The following ESRRB variants were observed in gnomAD, a reference collection of about 807,000 sequenced individuals.
ESRRB encodes steroid hormone receptor ERR2.
Under a neutral mutation model 46.0 loss-of-function variants are expected in ESRRB, and 16 were observed. The ratio of observed to expected loss-of-function variants is 0.35; its 90% CI spans 0.24 to 0.53. ESRRB has a LOEUF of 0.53. Among genes scored for constraint, ESRRB ranks in the 20% least tolerant of loss-of-function variants. The probability of loss-of-function intolerance (pLI) is 0.93; values close to 1 mark genes in which losing one functional copy is unlikely to be tolerated. For synonymous variants in ESRRB, 246 were observed against 259.6 expected (o/e 0.95, Z 0.50); for missense variants, 488 against 607.4 (o/e 0.80, Z 2.07).
At chr14:76,358,323 A>AAAAGAAAGAAAGAAAGAAAGAAAGAAAG (rs869092343) in intron 1 of ESRRB, among the ~76,000 whole-genome samples, 3 of 53,100 alleles carry the variant, frequency 5.6e-5, no homozygotes, top group Non-Finnish European at 1.1e-4. Context: ...AAAAAAAAAA[A>AAAAGAAAGAAAGAAAGAAAGAAAGAAAG]AAAGAAAGAA....
At chr14:76,444,293 A>G (rs1466957743) in intron 2 of ESRRB, among the ~76,000 whole-genome samples, 2 of 152,128 alleles carry the variant, frequency 1.3e-5, no homozygotes, top group Non-Finnish European at 2.9e-5. Flanking sequence ...TTGGCCTCCC[A>G]AAGTGCTGGG....
chr14:76,371,290 T>A (rs1490069796), upstream of ESRRB: 2 of 152,272 alleles, frequency 1.3e-5, no homozygotes, highest in Non-Finnish European at 2.9e-5. Context: ...CTGCTGACCA[T>A]CACTCAGGGA....
intron 1 of ESRRB, among the ~76,000 whole-genome samples, chr14:76,360,658 C>G (rs896746237): frequency 1.3e-5 from 2 of 152,200 alleles, no homozygotes; most frequent in Non-Finnish European, 2.9e-5. Flanking sequence ...CTCCCTCTCT[C>G]TTTAAGCATG....
intron 1 of ESRRB, among the ~76,000 whole-genome samples, chr14:76,430,676 C>T (rs1209993490): frequency 6.6e-6 from 1 of 152,162 alleles, no homozygotes; most frequent in Non-Finnish European, 1.5e-5. Flanking sequence ...CAGATGAGGA[C>T]CCTGAGGTCC....
chr14:76,403,331 T>G (rs551933821), intron 1 of ESRRB, among the ~76,000 whole-genome samples: 68 of 152,320 alleles, frequency 4.5e-4, no homozygotes, highest in African/African-American at 1.6e-3. Context: ...TCTACCCTGA[T>G]TCCCACTGTG....
chr14:76,384,664 A>G lies in ESRRB; in HGVS notation c.50+8213A>G, dbSNP rs375897609. On this transcript the variant is annotated intron_variant, in intron 1 of 6. Coordinates refer to ENST00000644823, the MANE Select transcript of ESRRB (RefSeq NM_001379180.1). ...ACTGCCGGCTTCTATGCCCCGTGCC[A>G]TGCTCTGCCTCCCAGTTTCCCCTTG... is the stretch of plus-strand genomic sequence containing the variant. Among the ~76,000 whole-genome samples, 5 of 152,290 alleles carry G rather than the reference A, an allele frequency of 3.3e-5. No homozygotes were observed. The East Asian group carries it at 9.6e-4, about 29-fold the overall frequency.
At chr14:76,350,051 C>T (rs1421864023) in intron 1 of ESRRB, among the ~76,000 whole-genome samples, 2 of 152,150 alleles carry the variant, frequency 1.3e-5, no homozygotes, top group Non-Finnish European at 2.9e-5. Context: ...GATACTGGAG[C>T]GTTCTTTTCT....
At chr14:76,462,908 T>G (rs920217440) in intron 3 of ESRRB, among the ~76,000 whole-genome samples, 9 of 152,128 alleles carry the variant, frequency 5.9e-5, no homozygotes, top group Non-Finnish European at 1.0e-4. Flanking sequence ...TGGGCCCCAG[T>G]GGGCCTGGCA....
chr14:76,482,820 C>G lies in ESRRB; in HGVS notation c.850+61C>G. Reference sequence around the variant, plus strand: ...GACTCTCAGCCGGTATCTCCGCAGCCTACCCAATGGCTGTGCTTCTGATGC... The same window carrying G: ...GACTCTCAGCCGGTATCTCCGCAGCGTACCCAATGGCTGTGCTTCTGATGC... On this transcript the variant is annotated intron_variant, in intron 5 of 6. Transcript: ENST00000644823. The surrounding 1 kb of genome is among the most constrained non-coding windows in gnomAD (Gnocchi z 4.3). 1 of 1,596,780 alleles carries G rather than the reference C, an allele frequency of 6.3e-7. No individual in the cohort carries two copies. The highest frequency in any genetic ancestry group is 8.6e-7 in the Non-Finnish European group (1 of 1,168,218).
chr14:76,438,251 C>T (rs1887758957), intron 1 of ESRRB, among the ~76,000 whole-genome samples: 1 of 152,140 alleles, frequency 6.6e-6, no homozygotes, highest in Non-Finnish European at 1.5e-5. Context: ...CTTGAATCAG[C>T]CAAATAACCT....
At chr14:76,492,985 AT>A (rs1242319994) in intron 6 of ESRRB, among the ~76,000 whole-genome samples, 5 of 152,154 alleles carry the variant, frequency 3.3e-5, no homozygotes, top group African/African-American at 1.2e-4. Context: ...AATCACACAC[AT>A]AATTCTGTTG....
At chr14:76,358,327 GAAAGAAAGAAAGAAAGAAAGAAA>G (rs1884413514) in intron 1 of ESRRB, among the ~76,000 whole-genome samples, 1 of 11,226 alleles carries the variant, frequency 8.9e-5, no homozygotes, top group Non-Finnish European at 1.4e-4. Context: ...AAAAAAAAAA[GAAAGAAAGAAAGAAAGAAAGAAA>G]GAAAGAAAGA....
chr14:76,448,081 A>G (rs1159396551), intron 2 of ESRRB, among the ~76,000 whole-genome samples: 1 of 152,036 alleles, frequency 6.6e-6, no homozygotes, highest in African/African-American at 2.4e-5. Context: ...TAGACTTTGC[A>G]TATACTCTTC....
intron 1 of ESRRB, among the ~76,000 whole-genome samples, chr14:76,327,741 C>T (rs1883952353): frequency 6.6e-6 from 1 of 152,106 alleles, no homozygotes; most frequent in Admixed American, 6.5e-5. Context: ...CACTCTGTAG[C>T]CCAGGCTGGA....
At chr14:76,333,700 A>G (rs1040373656) in intron 1 of ESRRB, among the ~76,000 whole-genome samples, 4 of 151,708 alleles carry the variant, frequency 2.6e-5, no homozygotes, top group Non-Finnish European at 5.9e-5. Flanking sequence ...AATATATCAA[A>G]ATATTATCAT....
At chr14:76,440,575 T>TCC (rs1887878857) in intron 2 of ESRRB, among the ~76,000 whole-genome samples, 1 of 151,476 alleles carries the variant, frequency 6.6e-6, no homozygotes, top group African/African-American at 2.4e-5. Context: ...CTTCCTTCCT[T>TCC]TCTTCCTCCC....
chr14:76,363,937 T>A (rs906375134), intron 1 of ESRRB, among the ~76,000 whole-genome samples: 3 of 152,174 alleles, frequency 2.0e-5, no homozygotes, highest in Admixed American at 6.5e-5. Context: ...TTCAATTTTC[T>A]CCTCAGTAAA....
At chr14:76,395,298 A>C (rs1409004970) in intron 1 of ESRRB, among the ~76,000 whole-genome samples, 1 of 152,162 alleles carries the variant, frequency 6.6e-6, no homozygotes, top group East Asian at 1.9e-4. Flanking sequence ...GTCAGTACCT[A>C]ACTGGCCATC....
Position 76,358,327 on chromosome 14 carries a change from GAAAGAAAGAAAGAAAGAAAGAAAGAAAGA to G in ESRRB, c.2+47414_2+47442del, listed in dbSNP as rs1884413567. On this transcript the variant is annotated intron_variant, in intron 1 of 6. Coordinates refer to the ESRRB transcript ENST00000512784. ...ACTCTGTCTCAAAAAAAAAAAAAAAGAAAGAAAGAAAGAAAGAAAGAAAGAAAGAAAGAAAGAAAGAAAGAAAGAAAGAA... is the reference window on the plus strand; with the variant it reads ...ACTCTGTCTCAAAAAAAAAAAAAAAGAAGAAAGAAAGAAAGAAAGAAAGAA... 2.0e-3 allele frequency among the ~76,000 whole-genome samples: 23 copies of G among 11,224 alleles called. 2 individuals carry two copies. Among genetic ancestry groups the G allele is most frequent in the Non-Finnish European group, 2.7e-3 (19 of 7,098 alleles). 7.4% of individuals were successfully genotyped at this position (11,224 alleles called of 152,430 possible).
Sources: allele counts gnomAD v4.1 joint callset (sites outside exome capture counted in the v4.1 genomes callset), GRCh38; gene constraint gnomAD v4.1.1; non-coding constraint Gnocchi (gnomAD v3.1); transcripts MANE v1.5; gene names NCBI Gene and HGNC (gene_info 2026-07-23, HGNC 2026-07-21).